AARS2: variants seen among roughly 807,000 people sequenced by gnomAD.
The protein encoded by AARS2 is alanyl-tRNA synthetase 2, mitochondrial, also known as alanine--tRNA ligase, mitochondrial.
AARS2 carries 78 observed loss-of-function variants against 119.7 expected under a neutral mutation model. The ratio of observed to expected loss-of-function variants is 0.65; its 90% CI spans 0.54 to 0.79. The LOEUF (loss-of-function observed/expected upper bound fraction) is 0.79. Among genes scored for constraint, AARS2 ranks in the 30% least tolerant of loss-of-function variants. The probability of loss-of-function intolerance (pLI) is 0.00; values close to 1 mark genes in which losing one functional copy is unlikely to be tolerated. For missense variants in AARS2, 1,157 were observed against 1,291.3 expected (o/e 0.90, Z 1.59); for synonymous variants, 502 against 526.3 (o/e 0.95, Z 0.63).
chr6:44,303,310 G>A lies in AARS2; in HGVS notation c.2121C>T (p.Val707=). 1 of 1,614,118 alleles carries A rather than the reference G, an allele frequency of 6.2e-7. No individual in the cohort carries two copies. Among genetic ancestry groups the A allele is most frequent in the African/African-American group, 1.3e-5 (1 of 75,068 alleles). The change falls in exon 15 of 22, where the codon GTC becomes GTT. Residue 707 remains valine, a synonymous_variant. Transcript: ENST00000244571. ...CCTCATCCAGAGAGCGCAGGCCAGG[G>A]ACCTGGGCAGTGAGCGCCAGGGGCA... The part of the protein sequence containing the change: ...EEVPLALTAQ[V]PGLRSLDEVY...
In AARS2 at chr6:44,313,144, G is replaced by C; in HGVS notation, c.180C>G (p.Pro60=). 1 of 1,611,842 alleles carries C rather than the reference G, an allele frequency of 6.2e-7. No homozygotes were observed. Among genetic ancestry groups the C allele is most frequent in the South Asian group, 1.1e-5 (1 of 90,948 alleles). ...FRDRHGHRLV[P]SASVRPRGDP... ...CGCCGCGGGGCCGCACGGAAGCGGAGGGCACCAGCCGGTGGCCATGGCGGT... is the reference window on the plus strand; with the variant it reads ...CGCCGCGGGGCCGCACGGAAGCGGACGGCACCAGCCGGTGGCCATGGCGGT... The change falls in exon 1 of 22, where the codon CCC becomes CCG. Residue 60 remains proline (P), a synonymous_variant. Coordinates refer to ENST00000244571, the MANE Select transcript of AARS2 (RefSeq NM_020745.4).
intron 9 of AARS2, 77 bp downstream of exon 9, chr6:44,306,203 G>A: frequency 7.3e-7 from 1 of 1,368,144 alleles, no homozygotes; most frequent in Non-Finnish European, 1.0e-6. Flanking sequence ...GCATGGGGCT[G>A]GCCCAGAGCT....
At position 44,301,432 on chromosome 6, in the gene AARS2, C is replaced by G; in HGVS notation, c.2631G>C (p.Arg877=). The change falls in exon 20 of 22, where the codon CGG becomes CGC. Residue 877 remains arginine (R), a synonymous_variant. Transcript: ENST00000244571. ...CCACAATCAGAGGCCCCTTCGAGTG[C>G]CGCTCCAGCAGCTCCTGAGTTTTCT... ...AAKKTQELLE[R]HSKGPLIVDT... 1 of 1,613,822 alleles carries G rather than the reference C, an allele frequency of 6.2e-7. No individual in the cohort carries two copies. Among genetic ancestry groups the G allele is most frequent in the East Asian group, 2.2e-5 (1 of 44,878 alleles).
In AARS2 at chr6:44,303,422, G is replaced by A. The variant is rs750272927; in HGVS notation, c.2009C>T (p.Thr670Ile). ...EQLRLDVTTQ[T>I]PLTPEQLRAV... The stretch of plus-strand genomic sequence containing the variant: ...CCGGAGCTGCTCTGGGGTCAATGGG[G>A]TCTGGAGGGGTGGGGAGGAAATGGA... The change falls in exon 15 of 22, where the codon ACC becomes ATC. Residue 670 changes from threonine to isoleucine, a missense_variant and splice_region_variant. By Grantham distance (89) the Thr-to-Ile change is moderately conservative (BLOSUM62 -1). Transcript: ENST00000244571. The A allele has an allele frequency of 1.9e-6, 3 of 1,613,862 alleles. No individual in the cohort carries two copies. Among genetic ancestry groups the A allele is most frequent in the Non-Finnish European group, 2.5e-6 (3 of 1,180,038 alleles).
intron 16 of AARS2, 51 bp downstream of exon 16, chr6:44,303,015 A>G: frequency 6.2e-7 from 1 of 1,607,996 alleles, no homozygotes; most frequent in South Asian, 1.1e-5. Context: ...GACCAAGGGA[A>G]GGGCAAGGAT....
At position 44,307,512 on chromosome 6, in the gene AARS2, G is replaced by A. The variant is rs1785970301; in HGVS notation, c.895-118C>T. 1 of 1,347,244 alleles carries A rather than the reference G, an allele frequency of 7.4e-7. No individual in the cohort carries two copies. The highest frequency in any genetic ancestry group is 2.0e-5 in the Admixed American group (1 of 50,002). The allele number at this position is 1,347,244 out of a possible 1,614,324, so 83.5% of individuals were successfully genotyped here. On this transcript the variant is annotated intron_variant, in intron 5 of 21. Coordinates refer to ENST00000244571, the MANE Select transcript of AARS2 (RefSeq NM_020745.4). This position sits in a 1 kb window ranked among gnomAD's most constrained non-coding sequence, Gnocchi z 4.4. ...AGCCAACCACATCCAGAATGGCCTT[G>A]CCAGTCCAGTCCTGGGCTGAGAAGC...
rs1786538434 is a variant in AARS2, at chr6:44,313,294, C to G, written c.30G>C (p.Arg10=). MAASVAAAA[R]RLRRAIRRSP... Reference sequence around the variant, plus strand: ...ACCTTCGAATGGCCCGCCGCAGCCTCCGGGCTGCAGCTGCCACTGACGCTG... The same window carrying G: ...ACCTTCGAATGGCCCGCCGCAGCCTGCGGGCTGCAGCTGCCACTGACGCTG... The change falls in exon 1 of 22, where the codon CGG becomes CGC. Residue 10 remains arginine (R), a synonymous_variant. Coordinates refer to ENST00000244571, the MANE Select transcript of AARS2 (RefSeq NM_020745.4). 7.5e-6 allele frequency: 12 copies of G among 1,598,958 alleles called. No homozygotes were observed. The highest frequency in any genetic ancestry group is 1.9e-4 in the Middle Eastern group (1 of 5,198).
rs753324375 is a variant in AARS2 at position 44,302,900 on chromosome 6, G to A, written c.2266C>T (p.Arg756Cys). Residue 756 changes from arginine (R) to cysteine (C), a missense_variant, in exon 17 of 22, where the codon CGT (arginine) becomes TGT (cysteine). Arg to Cys is a radical substitution (Grantham distance 180). Coordinates refer to ENST00000244571, the MANE Select transcript of AARS2 (RefSeq NM_020745.4). ...ACCAGGTCCCCTACAGCCCCAGTAC[G>A]TAACAGGTGCCTGTGGGAGGAAGGA... Reference protein sequence around the residue: ...VELCCGTHLLRTGAVGDLVII... With the variant: ...VELCCGTHLLCTGAVGDLVII... 117 of 1,613,952 alleles carry A rather than the reference G, an allele frequency of 7.2e-5. No individual in the cohort carries two copies. The highest frequency in any genetic ancestry group is 2.3e-4 in the Admixed American group (14 of 59,994).
rs758434921 is a variant in AARS2, at chr6:44,301,405, G to C, written c.2658C>G (p.Asp886Glu). The change falls in exon 20 of 22, where the codon GAC becomes GAG. Residue 886 changes from aspartate to glutamate, a missense_variant. Physicochemically the swap from Asp to Glu is conservative, Grantham distance 45. Coordinates refer to ENST00000244571, the MANE Select transcript of AARS2 (RefSeq NM_020745.4). ...CTGAGAGAGACTCAGCAGAGACTGT[G>C]TCCACAATCAGAGGCCCCTTCGAGT... is the stretch of plus-strand genomic sequence containing the variant. ...ERHSKGPLIVDTVSAESLSVL... is the reference protein window; with the variant it reads ...ERHSKGPLIVETVSAESLSVL... 1 of 1,613,974 alleles carries C rather than the reference G, an allele frequency of 6.2e-7. No individual in the cohort carries two copies.
intron 17 of AARS2, 137 bp from the exon 18 acceptor site, chr6:44,302,650 C>G (rs1039777318): frequency 1.4e-5 from 21 of 1,508,970 alleles, no homozygotes; most frequent in African/African-American, 8.3e-5. Context: ...AATCAAAACA[C>G]ATGCCAGCTG....
intron 2 of AARS2, 34 bp from the exon 3 acceptor site, chr6:44,311,569 A>T (rs776592133): frequency 6.2e-7 from 1 of 1,611,152 alleles, no homozygotes; most frequent in Non-Finnish European, 8.5e-7. Flanking sequence ...TGGGGGGGGA[A>T]GACGGGTGAG....
At position 44,306,333 on chromosome 6, in the gene AARS2, C is replaced by G. The variant is rs768303582; in HGVS notation, c.1247G>C (p.Arg416Thr). The change falls in exon 9 of 22, where the codon AGG becomes ACG. Residue 416 changes from arginine to threonine, a missense_variant. Physicochemically the swap from Arg to Thr is moderately conservative, Grantham distance 71. Transcript: ENST00000244571. ...CCTCAGAGTCCGATCAATGATCCGC[C>G]TACCCCGCTCCAGGGAGGCCAGGAA... ...AAFLASLERG[R>T]RIIDRTLRTL... The G allele has an allele frequency of 6.2e-7, 1 of 1,614,166 alleles. No homozygotes were observed. Among genetic ancestry groups the G allele is most frequent in the South Asian group, 1.1e-5 (1 of 91,088 alleles).
Position 44,302,424 on chromosome 6 carries a change from C to T in AARS2, c.2454G>A (p.Leu818=). The T allele has an allele frequency of 1.9e-6, 3 of 1,614,134 alleles. No homozygotes were observed. The highest frequency in any genetic ancestry group is 2.5e-6 in the Non-Finnish European group (3 of 1,180,010). The change falls in exon 18 of 22, where the codon CTG becomes CTA. Residue 818 remains leucine, a synonymous_variant. Transcript: ENST00000244571. Reference sequence around the variant, plus strand: ...GTCGTCCTATGTCCTTGGACAGCCTCAGTGCCTCCGCCACATCCCGGCTCC... The same window carrying T: ...GTCGTCCTATGTCCTTGGACAGCCTTAGTGCCTCCGCCACATCCCGGCTCC... ...SLGSRDVAEA[L]RLSKDIGRLI...
At position 44,311,383 on chromosome 6, in the gene AARS2, G is replaced by A. The variant is rs931208535; in HGVS notation, c.581+7C>T. On this transcript the variant is annotated splice_region_variant and intron_variant, in intron 3 of 21. Transcript: ENST00000244571. Reference sequence around the variant, plus strand: ...CAGGAATGAACATAAGAAGGGGGCTGACTTACCCTAAGCTCAGCCAGATGT... The same window carrying A: ...CAGGAATGAACATAAGAAGGGGGCTAACTTACCCTAAGCTCAGCCAGATGT... 1 of 1,614,050 alleles carries A rather than the reference G, an allele frequency of 6.2e-7. No homozygotes were observed. The highest frequency in any genetic ancestry group is 8.5e-7 in the Non-Finnish European group (1 of 1,180,046).
intron 21 of AARS2, 80 bp downstream of exon 21, chr6:44,301,076 G>A: frequency 1.5e-6 from 2 of 1,335,014 alleles, no homozygotes; most frequent in South Asian, 1.3e-5. Context: ...CCTTTGGGAG[G>A]AATTAAAGGT....
In AARS2 at chr6:44,301,440, G is replaced by T; in HGVS notation, c.2623C>A (p.Leu875Met). The change falls in exon 20 of 22, where the codon CTG (leucine) becomes ATG (methionine). Residue 875 changes from leucine to methionine, a missense_variant. By Grantham distance (15) the Leu-to-Met change is conservative (BLOSUM62 2). Transcript: ENST00000244571. Reference protein sequence around the residue: ...GQAAKKTQELLERHSKGPLIV... With the variant: ...GQAAKKTQELMERHSKGPLIV... ...AGAGGCCCCTTCGAGTGCCGCTCCA[G>T]CAGCTCCTGAGTTTTCTTTGCAGCC... 1 of 1,613,796 alleles carries T rather than the reference G, an allele frequency of 6.2e-7. No homozygotes were observed. The highest frequency in any genetic ancestry group is 8.5e-7 in the Non-Finnish European group (1 of 1,180,020).
Position 44,300,404 on chromosome 6 carries a change from C to G in AARS2, c.*143G>C. ...CCCATGTCTCCTTGTGTCACGTAGG[C>G]CCTGGCCCAGGTGATCTTCTTTGGC... On this transcript the variant is annotated 3_prime_UTR_variant, in exon 22 of 22. Coordinates refer to ENST00000244571, the MANE Select transcript of AARS2 (RefSeq NM_020745.4). The G allele has an allele frequency of 2.5e-6, 3 of 1,204,740 alleles. No individual in the cohort carries two copies. The highest frequency in any genetic ancestry group is 3.6e-6 in the Non-Finnish European group (3 of 824,588). The allele number at this position is 1,204,740 out of a possible 1,614,324, so 74.6% of individuals were successfully genotyped here. A position where few individuals can be genotyped will look rare whatever the true frequency, so the allele number is the denominator to read the frequency against.
rs531187235 is a variant in AARS2, at chr6:44,306,596, C to T, written c.1150-64G>A. ...AACCAACCCACCCCCACCTCCCCAC[C>T]CTGGGCCTCCCTGAGGACACCTGCC... On this transcript the variant is annotated intron_variant, in intron 7 of 21. Transcript: ENST00000244571. The T allele has an allele frequency of 1.4e-5, 23 of 1,586,434 alleles. No homozygotes were observed. In the South Asian group the frequency reaches 2.0e-4, roughly 14 times the overall value.
Position 44,305,232 on chromosome 6 carries a change from T to C in AARS2, c.1435-34A>G, listed in dbSNP as rs1785738090. ...TGGGCATGGGCATGGAAGAAGTGCA[T>C]GGAGAATGAAAGAATGAAAGTGGGA... is the stretch of plus-strand genomic sequence containing the variant. On this transcript the variant is annotated intron_variant, in intron 10 of 21. Transcript: ENST00000244571. The surrounding 1 kb of genome is among the most constrained non-coding windows in gnomAD (Gnocchi z 4.6). The C allele has an allele frequency of 3.7e-6, 6 of 1,606,366 alleles. No homozygotes were observed. The highest frequency in any genetic ancestry group is 1.1e-5 in the South Asian group (1 of 91,006).
Sources: gnomAD v4.1 joint callset for allele counts on GRCh38, gnomAD v4.1.1 for gene constraint, Gnocchi (gnomAD v3.1) non-coding constraint, MANE v1.5 for transcripts, NCBI Gene and HGNC (gene_info 2026-07-23, HGNC 2026-07-21) for gene names.